The following L3MBTL4 variants were observed in gnomAD, a reference collection of about 807,000 sequenced individuals.
L3MBTL4 encodes lethal(3)malignant brain tumor-like protein 4.
In L3MBTL4, 70 loss-of-function variants were observed where a neutral mutation model predicts 84.5. The observed-to-expected ratio is 0.83, with a 90% CI of 0.68 to 1.01. The LOEUF is 1.01. Among genes scored for constraint, L3MBTL4 ranks in the 50% least tolerant of loss-of-function variants. L3MBTL4 has a pLI of 0.00. For missense variants in L3MBTL4, 715 were observed against 754.8 expected, an observed-to-expected ratio of 0.95 and a Z score of 0.62; for synonymous variants, 274 against 259.8, an observed-to-expected ratio of 1.05 and a Z score of -0.52.
chr18:6,312,335 C>T (rs1176286655), intron 1 of L3MBTL4, among the ~76,000 whole-genome samples: 1 of 152,126 alleles, frequency 6.6e-6, no homozygotes, highest in Non-Finnish European at 1.5e-5. Context: ...CAGTGCTTTA[C>T]GATGATATAT....
At chr18:6,290,117 T>G (rs576265188) in intron 4 of L3MBTL4, among the ~76,000 whole-genome samples, 193 of 152,184 alleles carry the variant, frequency 1.3e-3, no homozygotes, top group Non-Finnish European at 2.1e-3. Flanking sequence ...AGACAAGGTC[T>G]CACTAGGTTG....
intron 1 of L3MBTL4, among the ~76,000 whole-genome samples, chr18:6,343,579 G>T (rs756976855): frequency 6.6e-6 from 1 of 150,576 alleles, no homozygotes; most frequent in East Asian, 2.0e-4. Context: ...GGAGAATGGC[G>T]TGAACCCAAG....
At chr18:6,030,329 T>C (rs1244323813) in intron 16 of L3MBTL4, 1 of 984,528 alleles carries the variant, frequency 1.0e-6, no homozygotes, top group Admixed American at 6.2e-5. Flanking sequence ...CTCAAAATTC[T>C]GGGTGATAGA....
chr18:6,225,079 G>T (rs1046548743), intron 10 of L3MBTL4, among the ~76,000 whole-genome samples: 3 of 152,128 alleles, frequency 2.0e-5, no homozygotes, highest in Non-Finnish European at 4.4e-5. Context: ...TCCCATTTCT[G>T]TGTAGAATGT....
chr18:6,042,626 C>A (rs2145727412), intron 16 of L3MBTL4, among the ~76,000 whole-genome samples: 1 of 152,292 alleles, frequency 6.6e-6, no homozygotes, highest in East Asian at 1.9e-4. Flanking sequence ...TTTCCTCTAG[C>A]TTTTTCTCTC....
chr18:6,308,032 A>G (rs2050669758), intron 3 of L3MBTL4, among the ~76,000 whole-genome samples: 1 of 152,174 alleles, frequency 6.6e-6, no homozygotes, highest in Non-Finnish European at 1.5e-5. Context: ...ATCACCCTGA[A>G]AAAAAACAGA....
intron 14 of L3MBTL4, among the ~76,000 whole-genome samples, chr18:6,136,550 CA>C (rs1290294305): frequency 6.6e-6 from 1 of 152,180 alleles, no homozygotes; most frequent in Non-Finnish European, 1.5e-5. Flanking sequence ...CAGATGTTTG[CA>C]TAGGAGTGTA....
intron 12 of L3MBTL4, among the ~76,000 whole-genome samples, chr18:6,192,563 C>T (rs2045164021): frequency 6.6e-6 from 1 of 151,924 alleles, no homozygotes; most frequent in Non-Finnish European, 1.5e-5. Context: ...TAATAGGCAT[C>T]ATCGGCTGAG....
intron 16 of L3MBTL4, among the ~76,000 whole-genome samples, chr18:6,008,197 G>C (rs182408025): frequency 9.2e-5 from 14 of 152,188 alleles, no homozygotes; most frequent in South Asian, 4.2e-4. Context: ...GAGAATGGGA[G>C]ACCTCCTCCC....
chr18:6,368,292 C>A lies in L3MBTL4; in HGVS notation c.-91+46509G>T, dbSNP rs77384273. 1.6e-4 allele frequency among the ~76,000 whole-genome samples: 25 copies of A among 152,100 alleles called. No individual in the cohort carries two copies. In the East Asian group the frequency reaches 4.3e-3, roughly 26 times the overall value. ...CAACAGCATAAAAATACTTGGGGTG[C>A]GAGCAAGGGAGAGAAAACACCAGAA... On this transcript the variant is annotated intron_variant, in intron 1 of 18. Coordinates refer to ENST00000317931, the MANE Select transcript of L3MBTL4 (RefSeq NM_001330559.2).
chr18:6,118,955 G>A (rs1440069472), intron 14 of L3MBTL4, among the ~76,000 whole-genome samples: 1 of 142,260 alleles, frequency 7.0e-6, no homozygotes, highest in Non-Finnish European at 1.5e-5. Flanking sequence ...AATTTTACCA[G>A]AACTTTCTAA....
intron 16 of L3MBTL4, among the ~76,000 whole-genome samples, chr18:6,025,988 G>C (rs982681486): frequency 2.0e-5 from 3 of 152,180 alleles, no homozygotes; most frequent in Non-Finnish European, 2.9e-5. Flanking sequence ...CTATCTGATG[G>C]CTGTTAGGGT....
chr18:6,277,975 C>A (rs1286943820), intron 4 of L3MBTL4, among the ~76,000 whole-genome samples: 8 of 151,888 alleles, frequency 5.3e-5, no homozygotes, highest in Non-Finnish European at 5.9e-5. Context: ...GTGGAGGAAC[C>A]ATACCTATGT....
At chr18:6,123,232 G>T (rs960748204) in intron 14 of L3MBTL4, among the ~76,000 whole-genome samples, 1 of 152,144 alleles carries the variant, frequency 6.6e-6, no homozygotes, top group African/African-American at 2.4e-5. Flanking sequence ...TAAGTTTCTT[G>T]CAACTGGAAA....
intron 4 of L3MBTL4, among the ~76,000 whole-genome samples, chr18:6,293,671 A>G (rs954054524): frequency 2.0e-5 from 3 of 152,274 alleles, no homozygotes; most frequent in Non-Finnish European, 4.4e-5. Context: ...AATCAAAGTT[A>G]TCCTCATAAA....
chr18:6,093,011 A>G (rs1183731162), intron 15 of L3MBTL4, among the ~76,000 whole-genome samples: 2 of 152,234 alleles, frequency 1.3e-5, no homozygotes, highest in Non-Finnish European at 2.9e-5. Context: ...CATGTGCCAA[A>G]AGAGGTAATA....
intron 5 of L3MBTL4, among the ~76,000 whole-genome samples, chr18:6,261,187 C>T (rs1359195822): frequency 6.6e-6 from 1 of 152,108 alleles, no homozygotes; most frequent in Non-Finnish European, 1.5e-5. Context: ...CCCAACTAGC[C>T]CACAAGATCC....
chr18:6,290,254 A>C (rs1441216629), intron 4 of L3MBTL4, among the ~76,000 whole-genome samples: 7 of 150,946 alleles, frequency 4.6e-5, no homozygotes, highest in Non-Finnish European at 7.4e-5. Context: ...TATAAAAAGG[A>C]ACAATCAGAC....
intron 10 of L3MBTL4, among the ~76,000 whole-genome samples, chr18:6,229,202 A>G (rs147769606): frequency 6.6e-6 from 1 of 152,314 alleles, no homozygotes; most frequent in Non-Finnish European, 1.5e-5. Flanking sequence ...ACACAGTGAT[A>G]AACATCAAAA....
Sources: gnomAD v4.1 joint callset for allele counts (sites outside exome capture counted in the v4.1 genomes callset) on GRCh38, gnomAD v4.1.1 for gene constraint, MANE v1.5 for transcripts, NCBI Gene and HGNC (gene_info 2026-07-23, HGNC 2026-07-21) for gene names.